The following SYNE3 variants were observed in gnomAD, a reference collection of about 807,000 sequenced individuals.
SYNE3 encodes nesprin-3.
A neutral mutation model predicts 111.2 loss-of-function variants in SYNE3; 100 were observed. The observed-to-expected ratio is 0.90, with a 90% CI of 0.77 to 1.06. The LOEUF is 1.06. Ranked by LOEUF, SYNE3 falls within the 50% of genes least tolerant of loss-of-function variation. SYNE3 has a pLI of 0.00. For synonymous variants in SYNE3, 547 were observed against 533.9 expected, an observed-to-expected ratio of 1.02 and a Z score of -0.34; for missense variants, 1,160 against 1,240.3, an observed-to-expected ratio of 0.94 and a Z score of 0.97.
chr14:95,477,118 C>T (rs767724032), intron 1 of SYNE3, among the ~76,000 whole-genome samples: 30 of 152,302 alleles, frequency 2.0e-4, no homozygotes, highest in Non-Finnish European at 4.0e-4. Context: ...AGGCTGGGGC[C>T]GGGCATGGTG....
At chr14:95,479,052 G>A (rs932412382) in intron 1 of SYNE3, among the ~76,000 whole-genome samples, 1 of 151,998 alleles carries the variant, frequency 6.6e-6, no homozygotes, top group South Asian at 2.1e-4. Flanking sequence ...ACCTCTCTGG[G>A]TGTCCATATT....
intron 15 of SYNE3, among the ~76,000 whole-genome samples, chr14:95,436,114 A>G (rs1886069926): frequency 6.6e-6 from 1 of 152,152 alleles, no homozygotes; most frequent in Non-Finnish European, 1.5e-5. Context: ...GACTTTCCCC[A>G]TCTCCCTCCC....
At chr14:95,497,539 G>A (rs891148143) in intron 1 of SYNE3, among the ~76,000 whole-genome samples, 2 of 152,176 alleles carry the variant, frequency 1.3e-5, no homozygotes, top group Non-Finnish European at 2.9e-5. Context: ...CATTTACAAC[G>A]AGAAATTAAC....
chr14:95,453,355 G>T (rs1208342120), intron 6 of SYNE3, among the ~76,000 whole-genome samples: 1 of 152,152 alleles, frequency 6.6e-6, no homozygotes, highest in Middle Eastern at 3.2e-3. Context: ...GGAACCAGGG[G>T]CAGCTCCAAT....
intron 1 of SYNE3, among the ~76,000 whole-genome samples, chr14:95,506,522 C>T (rs1008161942): frequency 1.3e-5 from 2 of 152,224 alleles, no homozygotes; most frequent in African/African-American, 4.8e-5. Context: ...AACACCTGAG[C>T]CAAGGGCTGA....
intron 1 of SYNE3, among the ~76,000 whole-genome samples, chr14:95,480,883 T>TGAAAGGCAGCCCCAGCCC (rs891502752): frequency 6.6e-6 from 1 of 152,240 alleles, no homozygotes; most frequent in Non-Finnish European, 1.5e-5. Context: ...CATCCCGGTC[T>TGAAAGGCAGCCCCAGCCC]GAAAGGCAGC....
At chr14:95,428,312 G>A (rs916438248) in intron 17 of SYNE3, among the ~76,000 whole-genome samples, 3 of 152,178 alleles carry the variant, frequency 2.0e-5, no homozygotes, top group African/African-American at 7.2e-5. Context: ...CCCGCAAGCA[G>A]ACATTTTAAT....
rs1452367035 is a variant in SYNE3, at chr14:95,409,255, A to G, written c.*8571T>C. On this transcript the variant is annotated 3_prime_UTR_variant, in exon 18 of 18. Coordinates refer to ENST00000682763, the MANE Select transcript of SYNE3 (RefSeq NM_152592.6). The stretch of plus-strand genomic sequence containing the variant: ...GAGGCAGGCTGCTGACCCTCTCCAC[A>G]CTCTGGTTTCTGATCATGACTCCAT... 2 of 456,408 alleles carry G rather than the reference A, an allele frequency of 4.4e-6. No individual in the cohort carries two copies. The highest frequency in any genetic ancestry group is 7.0e-5 in the East Asian group (1 of 14,378). 28.3% of individuals were successfully genotyped at this position (456,408 alleles called of 1,614,324 possible). A position where few individuals can be genotyped will look rare whatever the true frequency, so the allele number is the denominator to read the frequency against.
At chr14:95,452,435 A>AGT (rs759157436) in intron 6 of SYNE3, 52 bp from the exon 7 acceptor site, 15 of 1,537,806 alleles carry the variant, frequency 9.8e-6, no homozygotes, top group South Asian at 2.5e-5. Flanking sequence ...CAACAGGATA[A>AGT]GTGTGTGTGT....
chr14:95,470,984 A>G lies in SYNE3; in HGVS notation c.145-3017T>C, dbSNP rs544880412. Among the ~76,000 whole-genome samples the G allele has an allele frequency of 7.2e-6, 1 of 138,416 alleles. No individual in the cohort carries two copies. The highest frequency in any genetic ancestry group is 2.0e-4 in the East Asian group (1 of 5,094). The allele number at this position is 138,416 out of a possible 152,430, so 90.8% of individuals were successfully genotyped here. ...AACAGAGCAACACGCCGTCTCAGGA[A>G]AAAAAAAAAAAGAAAGTAAGATGAT... On this transcript the variant is annotated intron_variant, in intron 2 of 17. Transcript: ENST00000682763. The surrounding 1 kb of genome is among the most constrained non-coding windows in gnomAD (Gnocchi z 4.2).
At position 95,443,194 on chromosome 14, in the gene SYNE3, C is replaced by T. The variant is rs1175541805; in HGVS notation, c.1872G>A (p.Gln624=). The part of the protein sequence containing the change: ...ENPNHQHKMD[Q]LSSDFQALQR... ...GCAGGGCCTGGAAGTCGGAGGAAAG[C>T]TGGTCCATTTTGTGCTGGTGGTTGG... The change falls in exon 11 of 18, where the codon CAG becomes CAA. Residue 624 remains glutamine, a synonymous_variant. Transcript: ENST00000682763. The T allele has an allele frequency of 3.1e-6, 5 of 1,614,048 alleles. No homozygotes were observed. Among genetic ancestry groups the T allele is most frequent in the Non-Finnish European group, 4.2e-6 (5 of 1,180,026 alleles).
chr14:95,443,198 T>C lies in SYNE3; in HGVS notation c.1868A>G (p.Asp623Gly), dbSNP rs1296303272. The change falls in exon 11 of 18, where the codon GAC becomes GGC. Residue 623 changes from aspartate (D) to glycine (G), a missense_variant. By Grantham distance (94) the Asp-to-Gly change is moderately conservative. Transcript: ENST00000682763. ...QENPNHQHKM[D>G]QLSSDFQALQ... ...GGCCTGGAAGTCGGAGGAAAGCTGG[T>C]CCATTTTGTGCTGGTGGTTGGGGTT... The C allele has an allele frequency of 1.9e-6, 3 of 1,614,038 alleles. No homozygotes were observed. The highest frequency in any genetic ancestry group is 2.7e-5 in the African/African-American group (2 of 74,942).
rs770607613 is a variant in SYNE3, at chr14:95,455,543, C to T, written c.971G>A (p.Arg324Gln). ...ALWEEEEERL[R>Q]GLLRSRGAWE... Reference sequence around the variant, plus strand: ...GGCTCCCCTGGACCGGAGCAGGCCCCGCAGCCGCTCCTCCTCCTCCTCCCA... The same window carrying T: ...GGCTCCCCTGGACCGGAGCAGGCCCTGCAGCCGCTCCTCCTCCTCCTCCCA... Residue 324 changes from arginine (R) to glutamine (Q), a missense_variant, in exon 6 of 18, where the codon CGG (arginine) becomes CAG (glutamine). Coordinates refer to ENST00000682763, the MANE Select transcript of SYNE3 (RefSeq NM_152592.6). 1.4e-5 allele frequency: 22 copies of T among 1,614,000 alleles called. No individual in the cohort carries two copies. Among genetic ancestry groups the T allele is most frequent in the Middle Eastern group, 1.6e-4 (1 of 6,062 alleles).
chr14:95,474,346 G>A (rs1888747935), intron 2 of SYNE3, among the ~76,000 whole-genome samples: 1 of 152,212 alleles, frequency 6.6e-6, no homozygotes, highest in Non-Finnish European at 1.5e-5. Context: ...ATACATGCTT[G>A]TGCAGTTGCC....
At chr14:95,424,370 C>A (rs1480224900) in intron 17 of SYNE3, among the ~76,000 whole-genome samples, 1 of 152,094 alleles carries the variant, frequency 6.6e-6, no homozygotes, top group Non-Finnish European at 1.5e-5. Flanking sequence ...AGTGTGCAAA[C>A]CACAGGCTTG....
chr14:95,450,173 C>T (rs1344796955), intron 7 of SYNE3, 68 bp from the exon 8 acceptor site: 8 of 1,502,366 alleles, frequency 5.3e-6, no homozygotes, highest in African/African-American at 1.4e-5. Flanking sequence ...GATGAGGCCT[C>T]CGCCAAGACC....
chr14:95,461,298 G>A (rs1306446054), intron 4 of SYNE3, among the ~76,000 whole-genome samples: 2 of 152,258 alleles, frequency 1.3e-5, no homozygotes, highest in Non-Finnish European at 1.5e-5. Flanking sequence ...GGGCCGCCAC[G>A]GGAAGCAGCG....
At position 95,453,600 on chromosome 14, in the gene SYNE3, C is replaced by A. The variant is rs957587118; in HGVS notation, c.1138-1217G>T. ...GTCTATGAAAGTTTTCACGGAAGAC[C>A]AGACACAGTTGGTTTGTGGGAACTG... is the stretch of plus-strand genomic sequence containing the variant. On this transcript the variant is annotated intron_variant, in intron 6 of 17. Coordinates refer to ENST00000682763, the MANE Select transcript of SYNE3 (RefSeq NM_152592.6). Among the ~76,000 whole-genome samples, 8 of 152,330 alleles carry A rather than the reference C, an allele frequency of 5.3e-5. No homozygotes were observed. The South Asian group carries it at 6.2e-4, about 12-fold the overall frequency.
chr14:95,462,722 C>A (rs569667368), intron 4 of SYNE3, among the ~76,000 whole-genome samples: 1 of 152,238 alleles, frequency 6.6e-6, no homozygotes, highest in Non-Finnish European at 1.5e-5. Flanking sequence ...GGCCCCAGCT[C>A]ATCCTGATGG....
Sources: allele counts gnomAD v4.1 joint callset (sites outside exome capture counted in the v4.1 genomes callset), GRCh38; gene constraint gnomAD v4.1.1; non-coding constraint Gnocchi (gnomAD v3.1); transcripts MANE v1.5; gene names NCBI Gene and HGNC (gene_info 2026-07-23, HGNC 2026-07-21).